The following DOCK3 variants were observed in gnomAD, a reference collection of about 807,000 sequenced individuals.
The protein encoded by DOCK3 is dedicator of cytokinesis protein 3.
DOCK3 carries 60 observed loss-of-function variants against 265.6 expected under a neutral mutation model. That is an observed-to-expected ratio of 0.23 (90% CI 0.18 to 0.28). DOCK3 has a LOEUF of 0.28. Ranked by LOEUF, DOCK3 falls within the 10% of genes least tolerant of loss-of-function variation. The pLI, the probability that DOCK3 is intolerant of heterozygous loss-of-function variation, is 1.00. For missense variants in DOCK3, 1,981 were observed against 2,594.3 expected (o/e 0.76, Z 5.14); for synonymous variants, 881 against 938.0 (o/e 0.94, Z 1.11).
chr3:51,187,028 G>A (rs999182492), intron 12 of DOCK3, among the ~76,000 whole-genome samples: 6 of 152,300 alleles, frequency 3.9e-5, no homozygotes, highest in African/African-American at 1.2e-4. Flanking sequence ...TGAGAAGAGG[G>A]CCACCATCCT....
At chr3:50,758,388 T>G (rs908928708) in intron 1 of DOCK3, among the ~76,000 whole-genome samples, 11 of 151,950 alleles carry the variant, frequency 7.2e-5, no homozygotes, top group Admixed American at 2.0e-4. Context: ...TTTTCAAGAT[T>G]GTTTTGGATA....
At chr3:50,709,760 A>C (rs1456452820) in intron 1 of DOCK3, among the ~76,000 whole-genome samples, 1 of 152,150 alleles carries the variant, frequency 6.6e-6, no homozygotes, top group Non-Finnish European at 1.5e-5. Context: ...CGCGAGGTGG[A>C]GGTTTCAGTG....
intron 22 of DOCK3, among the ~76,000 whole-genome samples, chr3:51,248,859 G>A (rs977749994): frequency 6.6e-6 from 1 of 151,030 alleles, no homozygotes; most frequent in South Asian, 2.1e-4. Flanking sequence ...CGTCTGGGAT[G>A]TGAGGAGCGC....
intron 3 of DOCK3, chr3:50,877,284 A>G: frequency 8.5e-6 from 3 of 352,644 alleles, no homozygotes; most frequent in Non-Finnish European, 1.7e-5. Flanking sequence ...TACTCTTGAT[A>G]TTTCTATTCA....
chr3:51,227,183 A>G (rs2090363953), intron 15 of DOCK3, 100 bp from the exon 16 acceptor site: 1 of 1,415,212 alleles, frequency 7.1e-7, no homozygotes, highest in East Asian at 2.3e-5. Context: ...TAGAGCAAAA[A>G]TGAGACCTTT....
chr3:50,785,748 T>C (rs978400813), intron 2 of DOCK3, among the ~76,000 whole-genome samples: 40 of 152,350 alleles, frequency 2.6e-4, no homozygotes, highest in African/African-American at 8.4e-4. Context: ...TCTATGTTCA[T>C]CAAGGATATT....
At chr3:51,195,608 G>A (rs1466891383) in intron 12 of DOCK3, among the ~76,000 whole-genome samples, 1 of 152,014 alleles carries the variant, frequency 6.6e-6, no homozygotes, top group Admixed American at 6.5e-5. Context: ...AATAGAGACG[G>A]GATGTCACCA....
In DOCK3 at chr3:50,816,414, C is replaced by T. The variant is rs374488175; in HGVS notation, c.122-25261C>T. On this transcript the variant is annotated intron_variant, in intron 2 of 52. Transcript: ENST00000266037. ...TTGGCTCACTGCAGCCTCTGCCTCC[C>T]GGGTTCAAGTGATTCTCCCGCCTCA... is the stretch of plus-strand genomic sequence containing the variant. Among the ~76,000 whole-genome samples the T allele has an allele frequency of 1.8e-3, 270 of 150,502 alleles. 2 individuals carry two copies. The highest frequency in any genetic ancestry group is 8.1e-3 in the East Asian group (41 of 5,054).
intron 2 of DOCK3, among the ~76,000 whole-genome samples, chr3:50,834,710 T>C (rs1324357013): frequency 6.6e-6 from 1 of 152,200 alleles, no homozygotes; most frequent in African/African-American, 2.4e-5. Context: ...TCCATGTCAC[T>C]ATAAGTCATT....
At chr3:50,758,384 A>G (rs189850182) in intron 1 of DOCK3, among the ~76,000 whole-genome samples, 131 of 151,938 alleles carry the variant, frequency 8.6e-4, no homozygotes, top group African/African-American at 2.9e-3. Flanking sequence ...CTCATTTTCA[A>G]GATTGTTTTG....
intron 9 of DOCK3, among the ~76,000 whole-genome samples, chr3:51,126,043 G>T (rs998628493): frequency 3.3e-5 from 5 of 152,326 alleles, no homozygotes; most frequent in African/African-American, 1.2e-4. Flanking sequence ...TGTTATCGGT[G>T]ATTTGCTCTT....
chr3:50,918,622 G>A (rs2050263357), intron 4 of DOCK3, among the ~76,000 whole-genome samples: 1 of 151,238 alleles, frequency 6.6e-6, no homozygotes, highest in Non-Finnish European at 1.5e-5. Context: ...ATTTTTTCTT[G>A]TAAATTTGTT....
At chr3:50,688,385 A>T (rs1159053095) in intron 1 of DOCK3, among the ~76,000 whole-genome samples, 1 of 152,178 alleles carries the variant, frequency 6.6e-6, no homozygotes, top group Non-Finnish European at 1.5e-5. Flanking sequence ...GCCACATTTT[A>T]TACAAAGCAC....
chr3:51,139,257 G>T lies in DOCK3; in HGVS notation c.747-7292G>T, dbSNP rs566748236. On this transcript the variant is annotated intron_variant, in intron 9 of 52. Transcript: ENST00000266037. ...ACATGGCTCCACTCAACTGCAGTGGGGGGAGGGCTAAGATGTATACTCTAG... is the reference window on the plus strand; with the variant it reads ...ACATGGCTCCACTCAACTGCAGTGGTGGGAGGGCTAAGATGTATACTCTAG... Among the ~76,000 whole-genome samples, 306 of 150,430 alleles carry T rather than the reference G, an allele frequency of 2.0e-3. 1 individual carries two copies. Among genetic ancestry groups the T allele is most frequent in the South Asian group, 6.7e-3 (32 of 4,796 alleles).
chr3:51,329,727 T>G (rs1177089384), intron 32 of DOCK3, among the ~76,000 whole-genome samples: 3 of 152,230 alleles, frequency 2.0e-5, no homozygotes, highest in Admixed American at 6.5e-5. Flanking sequence ...GCATCCTTTT[T>G]GACTGGCTGA....
chr3:51,038,818 C>T (rs111557360), intron 5 of DOCK3, among the ~76,000 whole-genome samples: 1 of 151,868 alleles, frequency 6.6e-6, no homozygotes, highest in African/African-American at 2.4e-5. Flanking sequence ...TATTCCATAT[C>T]CCATCTCCTG....
chr3:51,358,080 A>G lies in DOCK3; in HGVS notation c.4884+3A>G, dbSNP rs781356950. The G allele has an allele frequency of 1.5e-5, 24 of 1,613,380 alleles. 1 individual carries two copies. The South Asian group carries it at 1.6e-4, about 11-fold the overall frequency. On this transcript the variant is annotated splice_donor_region_variant and intron_variant, in intron 46 of 52. Coordinates refer to ENST00000266037, the MANE Select transcript of DOCK3 (RefSeq NM_004947.5). ...TGATGCGGGCCAGTCTCTACCATGT[A>G]AGTTGATCCCTGTCCTGCCCCTGCT...
intron 7 of DOCK3, among the ~76,000 whole-genome samples, chr3:51,081,437 A>G (rs1472609472): frequency 6.6e-6 from 1 of 152,250 alleles, no homozygotes; most frequent in African/African-American, 2.4e-5. Context: ...AATAACAATT[A>G]TACTAATAAT....
intron 1 of DOCK3, among the ~76,000 whole-genome samples, chr3:50,694,131 G>T (rs934296198): frequency 6.6e-6 from 1 of 151,926 alleles, no homozygotes; most frequent in Non-Finnish European, 1.5e-5. Context: ...TTAGCCAGGC[G>T]TGGTGGCGGG....
Sources: allele counts gnomAD v4.1 joint callset (sites outside exome capture counted in the v4.1 genomes callset), GRCh38; gene constraint gnomAD v4.1.1; transcripts MANE v1.5; gene names NCBI Gene and HGNC (gene_info 2026-07-23, HGNC 2026-07-21).